The following PLAT variants were observed in gnomAD, a reference collection of about 807,000 sequenced individuals.
PLAT encodes the protein tissue-type plasminogen activator.
A neutral mutation model predicts 74.9 loss-of-function variants in PLAT; 48 were observed. The observed-to-expected ratio is 0.64, with a 90% CI of 0.51 to 0.82. The LOEUF (loss-of-function observed/expected upper bound fraction) is 0.82. PLAT is among the 40% of genes least tolerant of loss of function. PLAT has a pLI of 0.00. For missense variants in PLAT, 673 were observed against 736.2 expected, an observed-to-expected ratio of 0.91 and a Z score of 0.99; for synonymous variants, 307 against 294.4, an observed-to-expected ratio of 1.04 and a Z score of -0.44.
rs772455310 is a variant in PLAT, at chr8:42,187,496, C to G, written c.441G>C (p.Glu147Asp). The G allele has an allele frequency of 6.2e-7, 1 of 1,611,306 alleles. No individual in the cohort carries two copies. Among genetic ancestry groups the G allele is most frequent in the Non-Finnish European group, 8.5e-7 (1 of 1,179,850 alleles). Residue 147 changes from glutamate to aspartate, a missense_variant, in exon 6 of 14, where the codon GAG becomes GAC. Coordinates refer to ENST00000220809, the MANE Select transcript of PLAT (RefSeq NM_000930.5). ...ACGCGCTGCTGTTCCAGTTGGTGCA[C>G]TCGGCGCCACTCTCCGCTGTGCTCC... ...GTWSTAESGAECTNWNSSALA... is the reference protein window; with the variant it reads ...GTWSTAESGADCTNWNSSALA...
At chr8:42,193,774 G>A (rs1822150382) in intron 1 of PLAT, 1 of 152,846 alleles carries the variant, frequency 6.5e-6, no homozygotes, top group African/African-American at 2.4e-5. Context: ...GGAGTGCAGT[G>A]GTGTGATCTC....
Position 42,175,718 on chromosome 8 carries a change from C to A in PLAT, c.*275G>T. 1 of 336,826 alleles carries A rather than the reference C, an allele frequency of 3.0e-6. No individual in the cohort carries two copies. Among genetic ancestry groups the A allele is most frequent in the East Asian group, 4.9e-5 (1 of 20,336 alleles). The allele number at this position is 336,826 out of a possible 1,614,324, so 20.9% of individuals were successfully genotyped here. A position where few individuals can be genotyped will look rare whatever the true frequency, so the allele number is the denominator to read the frequency against. On this transcript the variant is annotated 3_prime_UTR_variant, in exon 14 of 14. Coordinates refer to ENST00000220809, the MANE Select transcript of PLAT (RefSeq NM_000930.5). ...AGCTGAAAACAGGGTGGCATGGCCA[C>A]TTTCTGCCCAGGGAGGAGGCATTCC...
Position 42,188,010 on chromosome 8 carries a change from C to G in PLAT, c.260G>C (p.Ser87Thr). 1 of 1,605,342 alleles carries G rather than the reference C, an allele frequency of 6.2e-7. No individual in the cohort carries two copies. The highest frequency in any genetic ancestry group is 8.5e-7 in the Non-Finnish European group (1 of 1,172,254). ...QCHSVPVKSC[S>T]EPRCFNGGTC... ...GCCCCCGTTGAAACACCTTGGCTCG[C>G]TGCAACCTGTCAAGTATAAAAAAGG... The change falls in exon 5 of 14, where the codon AGC becomes ACC. Residue 87 changes from serine to threonine, a missense_variant. Physicochemically the swap from Ser to Thr is moderately conservative, Grantham distance 58. Transcript: ENST00000220809.
At chr8:42,195,683 C>T (rs1805879750) in intron 1 of PLAT, 1 of 152,220 alleles carries the variant, frequency 6.6e-6, no homozygotes, top group Non-Finnish European at 1.5e-5. Flanking sequence ...CCTCAAATTT[C>T]CTGTTTCTCA....
intron 4 of PLAT, chr8:42,188,245 C>T: frequency 2.2e-6 from 1 of 452,166 alleles, no homozygotes; most frequent in Admixed American, 4.0e-5. Flanking sequence ...TTCAAGGGTC[C>T]CCTGTATTTT....
intron 1 of PLAT, among the ~76,000 whole-genome samples, chr8:42,198,470 G>C (rs985614789): frequency 6.6e-6 from 1 of 152,244 alleles, no homozygotes. Flanking sequence ...CTGGGCGACA[G>C]AGCAGGACTT....
At chr8:42,202,186 A>ATT (rs113990683) in intron 1 of PLAT, among the ~76,000 whole-genome samples, 14,091 of 140,552 alleles carry the variant, frequency 0.1, 902 homozygotes, top group African/African-American at 0.19. Flanking sequence ...TGTCTGGCTA[A>ATT]TTTTTTTTTT....
Position 42,178,936 on chromosome 8 carries a change from C to T in PLAT, c.1491G>A (p.Arg497=). 6.2e-7 allele frequency: 1 copy of T among 1,613,948 alleles called. No individual in the cohort carries two copies. Among genetic ancestry groups the T allele is most frequent in the Non-Finnish European group, 8.5e-7 (1 of 1,180,022 alleles). The change falls in exon 13 of 14, where the codon CGG becomes CGA. Residue 497 remains arginine, a synonymous_variant. Coordinates refer to ENST00000220809, the MANE Select transcript of PLAT (RefSeq NM_000930.5). The stretch of plus-strand genomic sequence containing the variant: ...GCAAGTTTGCCTGGGGCCCGCCGCT[C>T]CGAGTGTCTCCAGCACACAGCATGT... ...TDNMLCAGDT[R]SGGPQANLHD...
In PLAT at chr8:42,188,420, C is replaced by T. The variant is rs8178744; in HGVS notation, c.254-404G>A. ...TTATAGATGAGGAAACTGAGGCAAG[C>T]GGGCATTTGCCCAAGGTCACTTGGT... On this transcript the variant is annotated intron_variant, in intron 4 of 13. Coordinates refer to ENST00000220809, the MANE Select transcript of PLAT (RefSeq NM_000930.5). The T allele has an allele frequency of 9.2e-3, 1,579 of 170,946 alleles. 27 individuals carry two copies. The highest frequency in any genetic ancestry group is 0.036 in the African/African-American group (1,508 of 42,170). The allele number at this position is 170,946 out of a possible 1,614,324, so 10.6% of individuals were successfully genotyped here. A position where few individuals can be genotyped will look rare whatever the true frequency, so the allele number is the denominator to read the frequency against.
chr8:42,198,971 A>C (rs2129805250), intron 1 of PLAT, among the ~76,000 whole-genome samples: 1 of 152,342 alleles, frequency 6.6e-6, no homozygotes, highest in East Asian at 1.9e-4. Flanking sequence ...TTTCTAGAGC[A>C]GGACGAGAGC....
chr8:42,200,296 T>C (rs1385459912), intron 1 of PLAT, among the ~76,000 whole-genome samples: 1 of 152,088 alleles, frequency 6.6e-6, no homozygotes, highest in African/African-American at 2.4e-5. Flanking sequence ...CCCAACACTT[T>C]GGGAGGCTGA....
At chr8:42,196,000 T>A (rs891632406) in intron 1 of PLAT, among the ~76,000 whole-genome samples, 2 of 152,176 alleles carry the variant, frequency 1.3e-5, no homozygotes, top group African/African-American at 4.8e-5. Context: ...GGGTGTTTTT[T>A]CCAGATGCCC....
chr8:42,182,187 A>G (rs1032016814), intron 8 of PLAT, among the ~76,000 whole-genome samples, 165 bp from the exon 9 acceptor site: 6 of 150,714 alleles, frequency 4.0e-5, no homozygotes, highest in African/African-American at 1.5e-4. Flanking sequence ...ATGCACCACC[A>G]CACCAGGCCA....
At chr8:42,179,848 C>A (rs1805142680) in intron 12 of PLAT, 78 bp downstream of exon 12, 2 of 1,404,622 alleles carry the variant, frequency 1.4e-6, no homozygotes, top group East Asian at 5.0e-5. Context: ...GGTCTCCTGA[C>A]CCCATTTTCC....
At chr8:42,182,928 A>G (rs1459366953) in intron 7 of PLAT, 38 bp from the exon 8 acceptor site, 1 of 1,550,198 alleles carries the variant, frequency 6.5e-7, no homozygotes, top group Admixed American at 1.8e-5. Context: ...ACAAAAACAA[A>G]TTCTGAAGCA....
chr8:42,200,695 T>G lies in PLAT; in HGVS notation c.-27+6799A>C, dbSNP rs8178699. On this transcript the variant is annotated intron_variant, in intron 1 of 13. Transcript: ENST00000220809. ...GTCTCAAAAAAAAAAAAAAAAAAAG[T>G]ATAAGCGTCGTGCTGTACGGTGACA... 1.0e-3 allele frequency among the ~76,000 whole-genome samples: 113 copies of G among 107,786 alleles called. 2 individuals are homozygous for G. Among genetic ancestry groups the G allele is most frequent in the African/African-American group, 3.6e-3 (108 of 30,330 alleles). The allele number at this position is 107,786 out of a possible 152,430, so 70.7% of individuals were successfully genotyped here.
At position 42,188,938 on chromosome 8, in the gene PLAT, G is replaced by A. The variant is rs187690644; in HGVS notation, c.249C>T (p.Val83=). 4 of 1,612,752 alleles carry A rather than the reference G, an allele frequency of 2.5e-6. No individual in the cohort carries two copies. In the East Asian group the frequency reaches 8.9e-5, roughly 36 times the overall value. Residue 83 remains valine (V), a synonymous_variant, in exon 4 of 14, where the codon GTC becomes GTT. Coordinates refer to ENST00000220809, the MANE Select transcript of PLAT (RefSeq NM_000930.5). ...CCTCCCAGCCTCAGTACATACTTTT[G>A]ACAGGCACTGAGTGGCACTGTGCCC... The part of the protein sequence containing the change: ...SGRAQCHSVP[V]KSCSEPRCFN...
In PLAT at chr8:42,179,995, G is replaced by A; in HGVS notation, c.1294C>T (p.Pro432Ser). 6.2e-7 allele frequency: 1 copy of A among 1,609,648 alleles called. No individual in the cohort carries two copies. The highest frequency in any genetic ancestry group is 8.5e-7 in the Non-Finnish European group (1 of 1,177,740). Residue 432 changes from proline (P) to serine (S), a missense_variant, in exon 12 of 14, where the codon CCC (proline) becomes TCC (serine). Coordinates refer to ENST00000220809, the MANE Select transcript of PLAT (RefSeq NM_000930.5). Reference sequence around the variant, plus strand: ...TCCGGCAGCTGCAGGTCCGCCGGGGGAAGGCACACAGTGCGGACCACGCTG... The same window carrying A: ...TCCGGCAGCTGCAGGTCCGCCGGGGAAAGGCACACAGTGCGGACCACGCTG... ...ESSVVRTVCL[P>S]PADLQLPDWT...
rs1192861242 is a variant in PLAT, at chr8:42,193,013, A to ACAGC, written c.72+97_72+100dup. ...CGTCCCTGTGCCTCTCTGCTCCCTG[A>ACAGC]CAGCATTCCAACCTCCGTGGCCCAG... On this transcript the variant is annotated intron_variant, in intron 2 of 13. Coordinates refer to ENST00000220809, the MANE Select transcript of PLAT (RefSeq NM_000930.5). The ACAGC allele has an allele frequency of 3.8e-6, 3 of 797,822 alleles. No individual in the cohort carries two copies. The African/African-American group carries it at 5.0e-5, about 13-fold the overall frequency. The allele number at this position is 797,822 out of a possible 1,614,324, so 49.4% of individuals were successfully genotyped here.
Sources: gnomAD v4.1 joint callset for allele counts (sites outside exome capture counted in the v4.1 genomes callset) on GRCh38, gnomAD v4.1.1 for gene constraint, MANE v1.5 for transcripts, NCBI Gene and HGNC (gene_info 2026-07-23, HGNC 2026-07-21) for gene names.